CLSTN2: variants seen among roughly 807,000 people sequenced by gnomAD.
CLSTN2 encodes calsyntenin 2, also known as calsyntenin-2.
Under a neutral mutation model 101.2 loss-of-function variants are expected in CLSTN2, and 48 were observed. The ratio of observed to expected loss-of-function variants is 0.47; its 90% CI spans 0.38 to 0.60. CLSTN2 has a LOEUF of 0.60. Among genes scored for constraint, CLSTN2 ranks in the 20% least tolerant of loss-of-function variants. CLSTN2 has a pLI of 0.00. For synonymous variants in CLSTN2, 481 were observed against 463.6 expected, an observed-to-expected ratio of 1.04 and a Z score of -0.48; for missense variants, 1,160 against 1,238.2, an observed-to-expected ratio of 0.94 and a Z score of 0.95.
chr3:140,144,323 A>G (rs983366637), intron 1 of CLSTN2, among the ~76,000 whole-genome samples: 3 of 152,112 alleles, frequency 2.0e-5, no homozygotes, highest in African/African-American at 7.2e-5. Flanking sequence ...AGTACTTAAA[A>G]TGGGCCGGGT....
At chr3:140,386,722 C>G (rs1262321781) in intron 2 of CLSTN2, among the ~76,000 whole-genome samples, 2 of 152,164 alleles carry the variant, frequency 1.3e-5, no homozygotes, top group Non-Finnish European at 2.9e-5. Context: ...CTCAATCTCT[C>G]TCTCCCTTTC....
At chr3:140,080,386 G>A (rs2008575668) in intron 1 of CLSTN2, among the ~76,000 whole-genome samples, 1 of 152,212 alleles carries the variant, frequency 6.6e-6, no homozygotes, top group African/African-American at 2.4e-5. Context: ...ACTGGACGTA[G>A]TAGGTGCCTG....
At chr3:140,273,583 G>A (rs1212328680) in intron 2 of CLSTN2, among the ~76,000 whole-genome samples, 3 of 152,158 alleles carry the variant, frequency 2.0e-5, no homozygotes, top group African/African-American at 2.4e-5. Context: ...ATAAGCCATT[G>A]TGTGGTTAAG....
intron 1 of CLSTN2, among the ~76,000 whole-genome samples, chr3:140,105,513 G>A (rs1404944350): frequency 6.6e-6 from 1 of 152,198 alleles, no homozygotes; most frequent in East Asian, 1.9e-4. Flanking sequence ...CATGCTGAAA[G>A]ATTTGACTGC....
At chr3:140,039,689 G>A (rs552585762) in intron 1 of CLSTN2, among the ~76,000 whole-genome samples, 1 of 152,266 alleles carries the variant, frequency 6.6e-6, no homozygotes, top group Non-Finnish European at 1.5e-5. Flanking sequence ...TTGTGGGGCT[G>A]AAAACAACTC....
At chr3:140,221,398 A>G (rs9862941) in intron 2 of CLSTN2, among the ~76,000 whole-genome samples, 97,682 of 151,954 alleles carry the variant, frequency 0.64, 31,902 homozygotes, top group East Asian at 0.92. Flanking sequence ...TACACACACC[A>G]TATTACATTT....
intron 12 of CLSTN2, among the ~76,000 whole-genome samples, chr3:140,559,835 G>A (rs1359528206): frequency 2.0e-5 from 3 of 152,044 alleles, no homozygotes; most frequent in Non-Finnish European, 2.9e-5. Context: ...CTAGTGAAGG[G>A]GGTACTCAAG....
At chr3:140,478,430 A>C (rs566945096) in intron 8 of CLSTN2, among the ~76,000 whole-genome samples, 153 of 152,300 alleles carry the variant, frequency 1.0e-3, no homozygotes, top group African/African-American at 3.5e-3. Flanking sequence ...CTATTGACTC[A>C]TACAACATGA....
At chr3:140,289,234 T>G (rs922936271) in intron 2 of CLSTN2, among the ~76,000 whole-genome samples, 2 of 152,182 alleles carry the variant, frequency 1.3e-5, no homozygotes, top group African/African-American at 4.8e-5. Flanking sequence ...AGGCAGAGGT[T>G]CTGTTACTTG....
intron 2 of CLSTN2, among the ~76,000 whole-genome samples, chr3:140,298,881 A>T (rs148021899): frequency 6.6e-6 from 1 of 152,174 alleles, no homozygotes; most frequent in South Asian, 2.1e-4. Flanking sequence ...AGGCCCTTCA[A>T]CCTGAATAAA....
At chr3:140,464,002 T>C (rs555278053) in intron 7 of CLSTN2, among the ~76,000 whole-genome samples, 1 of 152,256 alleles carries the variant, frequency 6.6e-6, no homozygotes, top group Admixed American at 6.5e-5. Flanking sequence ...AAGGAGTGTG[T>C]CACTTACCAT....
chr3:139,935,466 G>A lies in CLSTN2; in HGVS notation c.92G>A (p.Arg31His). ...GGTGGCGGGGACAGCCGGCAGCGCC[G>A]CCTCCTCGCGGCTAAAGGTGGGTGC... Reference protein sequence around the residue: ...SGGGGDSRQRRLLAAKVNKHK... With the variant: ...SGGGGDSRQRHLLAAKVNKHK... The change falls in exon 1 of 17, where the codon CGC becomes CAC. Residue 31 changes from arginine to histidine, a missense_variant. By Grantham distance (29) the Arg-to-His change is conservative. Coordinates refer to ENST00000458420, the MANE Select transcript of CLSTN2 (RefSeq NM_022131.3). The surrounding 1 kb of genome is among the most constrained non-coding windows in gnomAD (Gnocchi z 5.5). 1.6e-6 allele frequency: 2 copies of A among 1,230,604 alleles called. No homozygotes were observed. The highest frequency in any genetic ancestry group is 2.0e-6 in the Non-Finnish European group (2 of 986,306). 76.2% of individuals were successfully genotyped at this position (1,230,604 alleles called of 1,614,324 possible). A position where few individuals can be genotyped will look rare whatever the true frequency, so the allele number is the denominator to read the frequency against.
rs897915274 is a variant in CLSTN2, at chr3:139,982,746, T to C, written c.109+47263T>C. ...GCAGCCTATGAGGAAGTAATGTGCA[T>C]GTAACCTGAATAGAATAGAGAAAAA... On this transcript the variant is annotated intron_variant, in intron 1 of 16. Coordinates refer to ENST00000458420, the MANE Select transcript of CLSTN2 (RefSeq NM_022131.3). Among the ~76,000 whole-genome samples, 4 of 152,254 alleles carry C rather than the reference T, an allele frequency of 2.6e-5. No individual in the cohort carries two copies. In the East Asian group the frequency reaches 7.7e-4, roughly 29 times the overall value.
At chr3:140,181,717 CA>C (rs1363213513) in intron 2 of CLSTN2, among the ~76,000 whole-genome samples, 6 of 152,168 alleles carry the variant, frequency 3.9e-5, no homozygotes, top group Non-Finnish European at 7.3e-5. Context: ...ATTACACACA[CA>C]CACACACACT....
At chr3:140,394,249 A>C (rs771525089) in intron 2 of CLSTN2, among the ~76,000 whole-genome samples, 4 of 152,206 alleles carry the variant, frequency 2.6e-5, no homozygotes, top group Non-Finnish European at 5.9e-5. Context: ...CCCATTTTAC[A>C]GATGAGAAGA....
At chr3:140,407,210 C>T (rs2088313732) in intron 4 of CLSTN2, among the ~76,000 whole-genome samples, 1 of 152,162 alleles carries the variant, frequency 6.6e-6, no homozygotes, top group African/African-American at 2.4e-5. Context: ...TTTCTGACTC[C>T]TTGAAGAAGT....
intron 2 of CLSTN2, among the ~76,000 whole-genome samples, chr3:140,378,234 A>C (rs1232252620): frequency 1.3e-5 from 2 of 152,224 alleles, no homozygotes; most frequent in African/African-American, 4.8e-5. Flanking sequence ...GTTAAGTGAC[A>C]CTTGACTCTC....
chr3:140,386,948 C>G (rs1224583868), intron 2 of CLSTN2, among the ~76,000 whole-genome samples: 1 of 152,216 alleles, frequency 6.6e-6, no homozygotes, highest in Non-Finnish European at 1.5e-5. Context: ...TTGGCCTAAC[C>G]TTGACCAAAG....
At chr3:140,154,125 G>T (rs1273742193) in intron 1 of CLSTN2, among the ~76,000 whole-genome samples, 1 of 152,170 alleles carries the variant, frequency 6.6e-6, no homozygotes, top group African/African-American at 2.4e-5. Context: ...TCATTGTGAT[G>T]AAAATAATAA....
Sources: allele counts gnomAD v4.1 joint callset (sites outside exome capture counted in the v4.1 genomes callset), GRCh38; gene constraint gnomAD v4.1.1; non-coding constraint Gnocchi (gnomAD v3.1); transcripts MANE v1.5; gene names NCBI Gene and HGNC (gene_info 2026-07-23, HGNC 2026-07-21).